UNC79: variants seen among roughly 807,000 people sequenced by gnomAD.
The protein encoded by UNC79 is unc-79 subunit of NALCN channel complex.
A neutral mutation model predicts 283.1 loss-of-function variants in UNC79; 37 were observed. That is an observed-to-expected ratio of 0.13 (90% CI 0.10 to 0.17). The LOEUF is 0.17. Among genes scored for constraint, UNC79 ranks in the 10% least tolerant of loss-of-function variants. The pLI is 1.00. For missense variants in UNC79, 2,272 were observed against 3,211.1 expected, an observed-to-expected ratio of 0.71 and a Z score of 7.07; for synonymous variants, 1,107 against 1,200.2, an observed-to-expected ratio of 0.92 and a Z score of 1.61.
intron 1 of UNC79, among the ~76,000 whole-genome samples, chr14:93,393,264 CA>C (rs1345671352): frequency 4.6e-5 from 7 of 152,128 alleles, no homozygotes; most frequent in African/African-American, 1.7e-4. Context: ...AGTTAAATTC[CA>C]ACAAAAGTTT....
At chr14:93,633,623 A>T (rs1404350548) in intron 31 of UNC79, among the ~76,000 whole-genome samples, 2 of 152,210 alleles carry the variant, frequency 1.3e-5, no homozygotes, top group Non-Finnish European at 1.5e-5. Flanking sequence ...AGTTGCATCC[A>T]TGATGCTCTG....
intron 5 of UNC79, among the ~76,000 whole-genome samples, chr14:93,492,308 A>G (rs1199506954): frequency 6.6e-6 from 1 of 151,286 alleles, no homozygotes; most frequent in East Asian, 1.9e-4. Context: ...TGATCAGAAA[A>G]GATTTTGCGT....
intron 5 of UNC79, 82 bp from the exon 6 acceptor site, chr14:93,496,329 G>A: frequency 1.1e-6 from 1 of 897,518 alleles, no homozygotes; most frequent in Non-Finnish European, 1.6e-6. Context: ...TCATATTGAA[G>A]TAATTTCTTA....
rs1309731335 is a variant in UNC79 at position 93,474,969 on chromosome 14, G to T, written c.448+576G>T. Among the ~76,000 whole-genome samples the T allele has an allele frequency of 6.6e-6, 1 of 152,180 alleles. No homozygotes were observed. The highest frequency in any genetic ancestry group is 1.5e-5 in the Non-Finnish European group (1 of 68,030). On this transcript the variant is annotated intron_variant, in intron 3 of 48. Coordinates refer to ENST00000555664, the Ensembl canonical transcript of UNC79. The surrounding 1 kb of genome is among the most constrained non-coding windows in gnomAD (Gnocchi z 4.1). ...ATAGTATATAGTGGCGCTGTATGCT[G>T]TATTCAGCATATGGTATTAGTGGTG...
At chr14:93,604,986 C>A in intron 26 of UNC79, 25 bp downstream of exon 27, 1 of 1,561,302 alleles carries the variant, frequency 6.4e-7, no homozygotes, top group Non-Finnish European at 8.6e-7. Flanking sequence ...CATTGAAGGG[C>A]CATGTACAAG....
intron 1 of UNC79, among the ~76,000 whole-genome samples, chr14:93,460,104 G>A (rs1281684313): frequency 7.9e-6 from 1 of 125,908 alleles, no homozygotes; most frequent in Non-Finnish European, 1.7e-5. Flanking sequence ...CAAGGCGGGC[G>A]GATCACAAGG....
intron 22 of UNC79, among the ~76,000 whole-genome samples, chr14:93,588,264 G>A (rs2064357470): frequency 6.6e-6 from 1 of 152,050 alleles, no homozygotes; most frequent in Non-Finnish European, 1.5e-5. Flanking sequence ...GAATGAGTAT[G>A]GAGAAAAGAG....
At chr14:93,678,982 C>T (rs569839678) in intron 41 of UNC79, among the ~76,000 whole-genome samples, 8 of 152,194 alleles carry the variant, frequency 5.3e-5, no homozygotes, top group African/African-American at 9.6e-5. Flanking sequence ...GATCTATTGA[C>T]GTTTTTGCTT....
intron 14 of UNC79, among the ~76,000 whole-genome samples, chr14:93,569,365 A>C (rs1283436430): frequency 6.6e-6 from 1 of 152,120 alleles, no homozygotes; most frequent in Non-Finnish European, 1.5e-5. Context: ...TGAACTGGGG[A>C]GGCAGAGGTT....
chr14:93,635,160 A>G (rs1179609609), intron 31 of UNC79, among the ~76,000 whole-genome samples: 1 of 152,180 alleles, frequency 6.6e-6, no homozygotes, highest in Admixed American at 6.5e-5. Context: ...AACTGCATCT[A>G]ACCTCAATTT....
chr14:93,528,457 C>A, intron 8 of UNC79, 101 bp from the exon 9 acceptor site: 2 of 1,095,170 alleles, frequency 1.8e-6, no homozygotes, highest in African/African-American at 1.6e-5. Flanking sequence ...TTCCACCTCG[C>A]TTGTGGAAAA....
At chr14:93,335,922 A>G (rs138470401) in intron 1 of UNC79, among the ~76,000 whole-genome samples, 105 of 152,328 alleles carry the variant, frequency 6.9e-4, no homozygotes, top group African/African-American at 2.2e-3. Flanking sequence ...GCTTTCAACC[A>G]AAAGTCCTGA....
intron 38 of UNC79, among the ~76,000 whole-genome samples, chr14:93,657,476 T>C (rs8021468): frequency 0.086 from 13,080 of 151,722 alleles, 1,080 homozygotes; most frequent in African/African-American, 0.22. Context: ...CTCAGCTTCC[T>C]GAGTAGCTGG....
chr14:93,361,211 CAAAAAAAAAAAA>C (rs58267219), intron 1 of UNC79, among the ~76,000 whole-genome samples: 22 of 54,360 alleles, frequency 4.0e-4, no homozygotes, highest in African/African-American at 1.6e-3. Flanking sequence ...GACTCTGTCT[CAAAAAAAAAAAA>C]AAAAAAAAAA....
At chr14:93,383,139 TATACTG>T in intron 1 of UNC79, among the ~76,000 whole-genome samples, 1 of 152,366 alleles carries the variant, frequency 6.6e-6, no homozygotes, top group African/African-American at 2.4e-5. Flanking sequence ...TTAACTTTCA[TATACTG>T]GGACCGTTTT....
intron 5 of UNC79, among the ~76,000 whole-genome samples, chr14:93,494,014 C>T (rs1457776686): frequency 6.7e-6 from 1 of 149,438 alleles, no homozygotes; most frequent in Non-Finnish European, 1.5e-5. Context: ...AGCAATTCTC[C>T]TGCCTCAGCC....
At chr14:93,663,882 T>G (rs3993786) in intron 40 of UNC79, among the ~76,000 whole-genome samples, 2 of 152,314 alleles carry the variant, frequency 1.3e-5, no homozygotes, top group African/African-American at 2.4e-5. Flanking sequence ...ATACCTTTTT[T>G]GGGGGAAGAA....
chr14:93,457,978 C>T (rs2056843023), intron 1 of UNC79, among the ~76,000 whole-genome samples: 1 of 152,010 alleles, frequency 6.6e-6, no homozygotes, highest in Admixed American at 6.6e-5. Flanking sequence ...ATTGATCCAC[C>T]AATCAAGAGA....
chr14:93,640,472 T>G (rs1037260992), intron 32 of UNC79, among the ~76,000 whole-genome samples: 12 of 152,036 alleles, frequency 7.9e-5, no homozygotes, highest in African/African-American at 2.9e-4. Flanking sequence ...TTACAAAAAC[T>G]TAAAAATTAG....
Sources: allele counts gnomAD v4.1 joint callset (sites outside exome capture counted in the v4.1 genomes callset), GRCh38; gene constraint gnomAD v4.1.1; non-coding constraint Gnocchi (gnomAD v3.1); transcripts MANE v1.5; gene names NCBI Gene and HGNC (gene_info 2026-07-23, HGNC 2026-07-21).